JAZF1: variants seen among roughly 807,000 people sequenced by gnomAD.
JAZF1 encodes the protein juxtaposed with another zinc finger protein 1.
Under a neutral mutation model 26.4 loss-of-function variants are expected in JAZF1, and 8 were observed. The ratio of observed to expected loss-of-function variants is 0.30; its 90% CI spans 0.18 to 0.55. The LOEUF (loss-of-function observed/expected upper bound fraction) is 0.55, where lower values mean the gene tolerates loss of function less well. Ranked by LOEUF, JAZF1 falls within the 20% of genes least tolerant of loss-of-function variation. JAZF1 has a pLI of 0.94. For synonymous variants in JAZF1, 126 were observed against 122.3 expected (o/e 1.03, Z -0.20); for missense variants, 199 against 322.0 (o/e 0.62, Z 2.92).
intron 1 of JAZF1, among the ~76,000 whole-genome samples, chr7:28,044,793 C>T (rs2076159571): frequency 6.6e-6 from 1 of 152,148 alleles, no homozygotes; most frequent in African/African-American, 2.4e-5. Flanking sequence ...TCCTAGGTGT[C>T]TACACACCAC....
chr7:28,084,266 C>A (rs755032864), intron 1 of JAZF1, among the ~76,000 whole-genome samples: 1 of 152,184 alleles, frequency 6.6e-6, no homozygotes, highest in Non-Finnish European at 1.5e-5. Flanking sequence ...TTTTATGGCA[C>A]AATCTAGTCT....
At chr7:27,872,822 T>TC (rs1180873115) in intron 3 of JAZF1, among the ~76,000 whole-genome samples, 2 of 152,146 alleles carry the variant, frequency 1.3e-5, no homozygotes, top group Non-Finnish European at 2.9e-5. Flanking sequence ...GGGTTCGATT[T>TC]TTTTTTTCCC....
intron 4 of JAZF1, among the ~76,000 whole-genome samples, chr7:27,839,759 G>A (rs1022915103): frequency 2.0e-5 from 3 of 152,184 alleles, no homozygotes; most frequent in Non-Finnish European, 2.9e-5. Context: ...GCTATGAAAA[G>A]TACTGAAATA....
intron 3 of JAZF1, among the ~76,000 whole-genome samples, chr7:27,859,886 C>T (rs567621910): frequency 1.9e-3 from 283 of 152,242 alleles, no homozygotes; most frequent in South Asian, 9.7e-3. Flanking sequence ...AAAATGAATA[C>T]AAATTATCAA....
chr7:27,899,689 G>C (rs1419938912), intron 2 of JAZF1, among the ~76,000 whole-genome samples: 1 of 152,092 alleles, frequency 6.6e-6, no homozygotes, highest in African/African-American at 2.4e-5. Context: ...CCCACCCAAA[G>C]TGTTAGGATT....
intron 2 of JAZF1, among the ~76,000 whole-genome samples, chr7:27,946,300 T>G (rs1784923702): frequency 6.6e-6 from 1 of 152,102 alleles, no homozygotes; most frequent in South Asian, 2.1e-4. Context: ...AAATTAAATG[T>G]TCTGGTTACC....
Position 27,832,509 on chromosome 7 carries a change from G to A in JAZF1, c.*291C>T. The stretch of plus-strand genomic sequence containing the variant: ...AATACAATTCAACAATATGCAACAT[G>A]CCCTCAATTTTATTTTGTTTTGGGG... On this transcript the variant is annotated 3_prime_UTR_variant, in exon 5 of 5. Coordinates refer to ENST00000283928, the MANE Select transcript of JAZF1 (RefSeq NM_175061.4). The A allele has an allele frequency of 3.8e-6, 1 of 262,832 alleles. No individual in the cohort carries two copies. The highest frequency in any genetic ancestry group is 7.3e-6 in the Non-Finnish European group (1 of 137,230). The allele number at this position is 262,832 out of a possible 1,614,324, so 16.3% of individuals were successfully genotyped here. A position where few individuals can be genotyped will look rare whatever the true frequency, so the allele number is the denominator to read the frequency against.
intron 2 of JAZF1, among the ~76,000 whole-genome samples, chr7:27,944,463 TACAA>T (rs890151512): frequency 3.5e-4 from 53 of 152,332 alleles, no homozygotes; most frequent in African/African-American, 1.2e-3. Context: ...TAACCTGAAA[TACAA>T]ACTGTGACTT....
intron 4 of JAZF1, among the ~76,000 whole-genome samples, chr7:27,839,381 CAAGA>C (rs1782879897): frequency 6.6e-6 from 1 of 152,226 alleles, no homozygotes. Flanking sequence ...CTGTACAAAT[CAAGA>C]AAGAAGGAAA....
intron 3 of JAZF1, among the ~76,000 whole-genome samples, chr7:27,866,739 C>T (rs972151479): frequency 6.6e-6 from 1 of 152,220 alleles, no homozygotes; most frequent in African/African-American, 2.4e-5. Flanking sequence ...ATTTCGAACA[C>T]ACTCGATTAC....
chr7:27,952,845 C>T (rs537591988), intron 2 of JAZF1, among the ~76,000 whole-genome samples: 5 of 152,276 alleles, frequency 3.3e-5, no homozygotes, highest in South Asian at 2.1e-4. Context: ...AGTGCAAGCA[C>T]GGAGGGATTT....
chr7:28,012,014 G>A (rs947465149), intron 1 of JAZF1, among the ~76,000 whole-genome samples: 2 of 152,074 alleles, frequency 1.3e-5, no homozygotes, highest in East Asian at 1.9e-4. Flanking sequence ...TTCCAGGCTC[G>A]ACATGCCCGT....
chr7:28,021,549 G>C (rs969660625), intron 1 of JAZF1, among the ~76,000 whole-genome samples: 3 of 152,166 alleles, frequency 2.0e-5, no homozygotes, highest in African/African-American at 7.2e-5. Context: ...GCAGTGACGG[G>C]CAGGAAAGGC....
chr7:27,995,391 C>G (rs1785994682), intron 1 of JAZF1, among the ~76,000 whole-genome samples: 1 of 152,146 alleles, frequency 6.6e-6, no homozygotes, highest in African/African-American at 2.4e-5. Context: ...CAACATTCGA[C>G]CACTTTCATA....
intron 2 of JAZF1, among the ~76,000 whole-genome samples, chr7:27,902,205 T>C (rs192222992): frequency 3.3e-5 from 5 of 152,380 alleles, no homozygotes; most frequent in African/African-American, 1.2e-4. Context: ...GGGTATTATG[T>C]AATATGAAGT....
intron 2 of JAZF1, among the ~76,000 whole-genome samples, chr7:27,939,340 G>C (rs911927170): frequency 6.6e-6 from 1 of 152,240 alleles, no homozygotes; most frequent in Non-Finnish European, 1.5e-5. Flanking sequence ...GGGGTGGGAA[G>C]GACTGAGTAG....
chr7:28,049,742 A>C (rs2128379573), intron 1 of JAZF1, among the ~76,000 whole-genome samples: 1 of 152,238 alleles, frequency 6.6e-6, no homozygotes, highest in East Asian at 1.9e-4. Flanking sequence ...ACTTAAATTT[A>C]CCCATTTACT....
chr7:28,041,661 C>T (rs1783394342), intron 1 of JAZF1, among the ~76,000 whole-genome samples: 1 of 152,136 alleles, frequency 6.6e-6, no homozygotes, highest in Non-Finnish European at 1.5e-5. Flanking sequence ...ATAATACATA[C>T]CAGAGTTAAC....
At chr7:27,915,051 A>C (rs1252442961) in intron 2 of JAZF1, among the ~76,000 whole-genome samples, 1 of 152,242 alleles carries the variant, frequency 6.6e-6, no homozygotes, top group East Asian at 1.9e-4. Flanking sequence ...ATTACTGTTA[A>C]GAGTTTACTA....
Sources: allele counts gnomAD v4.1 joint callset (sites outside exome capture counted in the v4.1 genomes callset), GRCh38; gene constraint gnomAD v4.1.1; transcripts MANE v1.5; gene names NCBI Gene and HGNC (gene_info 2026-07-23, HGNC 2026-07-21).